Variants in NRF1 observed in about 807,000 individuals in gnomAD.
The protein encoded by NRF1 is alpha palindromic-binding protein.
NRF1 carries 5 observed loss-of-function variants against 58.5 expected under a neutral mutation model. The observed-to-expected ratio is 0.09, with a 90% CI of 0.04 to 0.18. The LOEUF (loss-of-function observed/expected upper bound fraction) is 0.18. Ranked by LOEUF, NRF1 falls within the 10% of genes least tolerant of loss-of-function variation. NRF1 has a pLI of 1.00. For synonymous variants in NRF1, 224 were observed against 246.7 expected, an observed-to-expected ratio of 0.91 and a Z score of 0.86; for missense variants, 288 against 657.7, an observed-to-expected ratio of 0.44 and a Z score of 6.15.
At position 129,755,475 on chromosome 7, in the gene NRF1, TGTGA is replaced by T. The variant is rs2116336572; in HGVS notation, c.*298_*301del. On this transcript the variant is annotated 3_prime_UTR_variant, in exon 11 of 11. Coordinates refer to ENST00000393232, the MANE Select transcript of NRF1 (RefSeq NM_005011.5). This position sits in a 1 kb window ranked among gnomAD's most constrained non-coding sequence, Gnocchi z 5.8. ...GTGTGTATACTTATGTGTGTGTATG[TGTGA>T]GTGTGAATATATGTATATGTGTACA... is the stretch of plus-strand genomic sequence containing the variant. The T allele has an allele frequency of 7.7e-6, 2 of 259,104 alleles. No individual in the cohort carries two copies. Among genetic ancestry groups the T allele is most frequent in the South Asian group, 5.0e-5 (1 of 19,884 alleles). 16.1% of individuals were successfully genotyped at this position (259,104 alleles called of 1,614,324 possible). A position where few individuals can be genotyped will look rare whatever the true frequency, so the allele number is the denominator to read the frequency against.
At chr7:129,743,097 T>C (rs951532974) in intron 10 of NRF1, among the ~76,000 whole-genome samples, 17 of 152,030 alleles carry the variant, frequency 1.1e-4, no homozygotes, top group Non-Finnish European at 1.5e-4. Context: ...CCATGTTACC[T>C]AGACTGTGTT....
At chr7:129,742,335 A>G (rs1308663780) in intron 10 of NRF1, among the ~76,000 whole-genome samples, 1 of 151,438 alleles carries the variant, frequency 6.6e-6, no homozygotes, top group East Asian at 1.9e-4. Flanking sequence ...TGCATCTGAG[A>G]ATCATTGAAG....
intron 3 of NRF1, among the ~76,000 whole-genome samples, chr7:129,673,914 C>T (rs1007995649): frequency 3.7e-4 from 56 of 151,990 alleles, no homozygotes; most frequent in African/African-American, 1.2e-3. Flanking sequence ...CCGAGGTGGG[C>T]GGATCACCTG....
At chr7:129,700,598 T>G (rs572993302) in intron 5 of NRF1, among the ~76,000 whole-genome samples, 2 of 152,308 alleles carry the variant, frequency 1.3e-5, no homozygotes, top group African/African-American at 4.8e-5. Context: ...TGTCTTTCCA[T>G]GTTTAGTAGG....
chr7:129,754,786 G>T lies in NRF1; in HGVS notation c.1349-232G>T, dbSNP rs569415583. 9.2e-4 allele frequency among the ~76,000 whole-genome samples: 140 copies of T among 152,092 alleles called. 1 individual carries two copies. Among genetic ancestry groups the T allele is most frequent in the Non-Finnish European group, 1.6e-3 (108 of 67,984 alleles). On this transcript the variant is annotated intron_variant, in intron 10 of 10. Coordinates refer to ENST00000393232, the MANE Select transcript of NRF1 (RefSeq NM_005011.5). ...TATACATGCATTGAAACATCACATT[G>T]TACCCCATAAACATGAACAGTTACT...
At chr7:129,639,154 G>A (rs1458372985) in intron 1 of NRF1, among the ~76,000 whole-genome samples, 2 of 151,826 alleles carry the variant, frequency 1.3e-5, no homozygotes, top group Non-Finnish European at 2.9e-5. Flanking sequence ...CGACCTCCAT[G>A]GCTTTACTGA....
At chr7:129,634,624 A>G (rs1430418682) in intron 1 of NRF1, among the ~76,000 whole-genome samples, 1 of 152,190 alleles carries the variant, frequency 6.6e-6, no homozygotes, top group African/African-American at 2.4e-5. Context: ...AGTTTTAGCA[A>G]TTGTGAATAA....
At chr7:129,655,088 T>C (rs1313034807) in intron 1 of NRF1, among the ~76,000 whole-genome samples, 1 of 152,240 alleles carries the variant, frequency 6.6e-6, no homozygotes, top group Non-Finnish European at 1.5e-5. Flanking sequence ...TGCATGAACA[T>C]GGAATATCTC....
intron 1 of NRF1, among the ~76,000 whole-genome samples, chr7:129,619,062 A>T (rs1584576150): frequency 6.6e-6 from 1 of 152,184 alleles, no homozygotes; most frequent in East Asian, 1.9e-4. Context: ...GGAATGCTTA[A>T]CCATATCAGG....
chr7:129,649,184 G>A (rs1325317787), intron 1 of NRF1, among the ~76,000 whole-genome samples: 1 of 152,136 alleles, frequency 6.6e-6, no homozygotes, highest in Non-Finnish European at 1.5e-5. Context: ...CCCCTGAGGA[G>A]CAAACCCTAT....
chr7:129,681,111 A>C (rs1802297420), intron 4 of NRF1, among the ~76,000 whole-genome samples: 1 of 152,198 alleles, frequency 6.6e-6, no homozygotes, highest in South Asian at 2.1e-4. Flanking sequence ...AGGGAAGCAA[A>C]GGGAGATTGG....
chr7:129,642,779 A>G (rs1554404087), intron 1 of NRF1, among the ~76,000 whole-genome samples: 1 of 129,634 alleles, frequency 7.7e-6, no homozygotes, highest in African/African-American at 2.6e-5. Context: ...TTTTTTTTAA[A>G]TGAGATAGGG....
chr7:129,723,783 G>A (rs747102448), intron 9 of NRF1, among the ~76,000 whole-genome samples: 1 of 152,170 alleles, frequency 6.6e-6, no homozygotes, highest in African/African-American at 2.4e-5. Context: ...TTGTCTTTAT[G>A]CCAGTACTAT....
At chr7:129,654,816 A>G (rs540507392) in intron 1 of NRF1, among the ~76,000 whole-genome samples, 7 of 152,206 alleles carry the variant, frequency 4.6e-5, no homozygotes, top group African/African-American at 9.6e-5. Flanking sequence ...ACATTGGTCT[A>G]TTTCTCTGGT....
chr7:129,655,458 T>G (rs1023015898), intron 1 of NRF1, among the ~76,000 whole-genome samples: 10 of 152,124 alleles, frequency 6.6e-5, no homozygotes, highest in African/African-American at 1.2e-4. Context: ...TTGCATTAGT[T>G]AAGACTTCCA....
At chr7:129,667,782 T>A (rs1384457497) in intron 2 of NRF1, among the ~76,000 whole-genome samples, 2 of 117,484 alleles carry the variant, frequency 1.7e-5, no homozygotes, top group African/African-American at 6.2e-5. Flanking sequence ...TTTATTTATT[T>A]ATTAGAGATA....
chr7:129,683,429 A>C (rs987360837), intron 4 of NRF1, among the ~76,000 whole-genome samples: 1 of 151,360 alleles, frequency 6.6e-6, no homozygotes, highest in Non-Finnish European at 1.5e-5. Context: ...CCTGTGTTCA[A>C]GTGATTCTCC....
chr7:129,657,423 G>A lies in NRF1; in HGVS notation c.72G>A (p.Val24=), dbSNP rs751181520. 1 of 1,614,086 alleles carries A rather than the reference G, an allele frequency of 6.2e-7. No homozygotes were observed. Among genetic ancestry groups the A allele is most frequent in the Non-Finnish European group, 8.5e-7 (1 of 1,180,022 alleles). ...TIEAHAVAQQ[V]QQVHVATYTE... ...AAGCACATGCAGTGGCCCAGCAAGT[G>A]CAGCAGGTCCATGTGGCTACTTACA... The change falls in exon 2 of 11, where the codon GTG becomes GTA. Residue 24 remains valine (V), a synonymous_variant. Transcript: ENST00000393232.
intron 4 of NRF1, among the ~76,000 whole-genome samples, chr7:129,687,290 T>G (rs1000815801): frequency 9.2e-5 from 14 of 151,852 alleles, no homozygotes; most frequent in Non-Finnish European, 1.8e-4. Context: ...TTTTTTTTTT[T>G]TTGAGGCGGA....
Sources: allele counts gnomAD v4.1 joint callset (sites outside exome capture counted in the v4.1 genomes callset), GRCh38; gene constraint gnomAD v4.1.1; non-coding constraint Gnocchi (gnomAD v3.1); transcripts MANE v1.5; gene names NCBI Gene and HGNC (gene_info 2026-07-23, HGNC 2026-07-21).